MTUS2: variants seen among roughly 807,000 people sequenced by gnomAD.
MTUS2 encodes microtubule-associated tumor suppressor candidate 2.
In MTUS2, 40 loss-of-function variants were observed where a neutral mutation model predicts 114.1. The observed-to-expected ratio is 0.35, with a 90% CI of 0.27 to 0.46. The LOEUF is 0.46. Among genes scored for constraint, MTUS2 ranks in the 20% least tolerant of loss-of-function variants. MTUS2 has a pLI of 1.00. For missense variants in MTUS2, 1,679 were observed against 1,705.4 expected (o/e 0.98, Z 0.27); for synonymous variants, 688 against 672.0 (o/e 1.02, Z -0.37).
intron 6 of MTUS2, among the ~76,000 whole-genome samples, chr13:29,282,395 C>G (rs1898311184): frequency 6.6e-6 from 1 of 152,250 alleles, no homozygotes; most frequent in Non-Finnish European, 1.5e-5. Flanking sequence ...TCCAGCAAAA[C>G]TGATCCCTGT....
chr13:28,855,750 T>C (rs1192267139), intron 2 of MTUS2, among the ~76,000 whole-genome samples: 1 of 152,212 alleles, frequency 6.6e-6, no homozygotes, highest in East Asian at 1.9e-4. Flanking sequence ...TGCATGTATC[T>C]TTGTAATAGA....
At chr13:29,501,822 ACTC>A (rs1882924312) in intron 15 of MTUS2, among the ~76,000 whole-genome samples, 1 of 105,128 alleles carries the variant, frequency 9.5e-6, no homozygotes, top group African/African-American at 3.7e-5. Context: ...ATATGCATAC[ACTC>A]ACATGCACTC....
At chr13:28,891,008 C>G (rs2137912105) in intron 2 of MTUS2, among the ~76,000 whole-genome samples, 1 of 152,316 alleles carries the variant, frequency 6.6e-6, no homozygotes, top group Admixed American at 6.5e-5. Context: ...TGTCATGTTT[C>G]CCAGAGTCTC....
intron 8 of MTUS2, among the ~76,000 whole-genome samples, chr13:29,367,905 C>T (rs1870856017): frequency 6.6e-6 from 1 of 151,236 alleles, no homozygotes; most frequent in Non-Finnish European, 1.5e-5. Context: ...GCCAAGGGAC[C>T]TGTAGCTTTT....
chr13:29,162,854 G>A (rs1456319394), intron 5 of MTUS2, among the ~76,000 whole-genome samples: 2 of 152,172 alleles, frequency 1.3e-5, no homozygotes, highest in Admixed American at 1.3e-4. Flanking sequence ...TCGTATGCCC[G>A]AGACTTGCTG....
At chr13:29,302,085 T>C (rs551529518) in intron 6 of MTUS2, among the ~76,000 whole-genome samples, 2 of 152,276 alleles carry the variant, frequency 1.3e-5, no homozygotes, top group East Asian at 3.9e-4. Flanking sequence ...GATGGCCAGT[T>C]AGAAGCAGCT....
At chr13:29,413,217 G>A (rs1332305238) in intron 8 of MTUS2, among the ~76,000 whole-genome samples, 1 of 152,244 alleles carries the variant, frequency 6.6e-6, no homozygotes, top group African/African-American at 2.4e-5. Flanking sequence ...ATCTTTTAGG[G>A]GAAGGGGAAC....
chr13:28,946,573 C>T (rs532415711), intron 2 of MTUS2, among the ~76,000 whole-genome samples: 1 of 152,318 alleles, frequency 6.6e-6, no homozygotes, highest in East Asian at 1.9e-4. Flanking sequence ...GATCTTCCTT[C>T]AGGCATATCA....
rs116319228 is a variant in MTUS2, at chr13:29,143,637, G to A, written c.2644+42667G>A. Among the ~76,000 whole-genome samples the A allele has an allele frequency of 6.6e-3, 1,012 of 152,292 alleles. 12 individuals carry two copies. Among genetic ancestry groups the A allele is most frequent in the African/African-American group, 0.024 (986 of 41,568 alleles). ...TTTGTGCAGATTTCCTCATAGAATG[G>A]AGTTGATGGGGTGCCTCAGGAATTG... On this transcript the variant is annotated intron_variant, in intron 5 of 15. Coordinates refer to ENST00000612955, the MANE Select transcript of MTUS2 (RefSeq NM_001033602.4).
intron 2 of MTUS2, among the ~76,000 whole-genome samples, chr13:28,925,560 C>T (rs1881279812): frequency 6.6e-6 from 1 of 152,174 alleles, no homozygotes. Context: ...GTGGGGCTCA[C>T]ATTTCTCTGT....
intron 1 of MTUS2, among the ~76,000 whole-genome samples, chr13:28,836,004 A>G (rs1023835933): frequency 1.3e-5 from 2 of 151,298 alleles, no homozygotes; most frequent in Non-Finnish European, 3.0e-5. Context: ...GCATCGTGTT[A>G]ATGGGTTTAT....
chr13:29,462,328 G>C (rs1392828672), intron 9 of MTUS2, among the ~76,000 whole-genome samples: 1 of 152,172 alleles, frequency 6.6e-6, no homozygotes, highest in Admixed American at 6.5e-5. Context: ...AGGACTTGGC[G>C]TTGACCTGAG....
chr13:28,832,648 C>T (rs1593230734), intron 1 of MTUS2, among the ~76,000 whole-genome samples: 1 of 145,050 alleles, frequency 6.9e-6, no homozygotes, highest in Non-Finnish European at 1.5e-5. Context: ...TATAATATGA[C>T]AATATATTAA....
chr13:29,177,192 G>A (rs554526796), intron 5 of MTUS2, among the ~76,000 whole-genome samples: 5 of 151,028 alleles, frequency 3.3e-5, no homozygotes, highest in African/African-American at 1.2e-4. Context: ...AGTGGAGCAG[G>A]CAGTTGCAGA....
intron 2 of MTUS2, among the ~76,000 whole-genome samples, chr13:28,959,200 G>A (rs1325130096): frequency 6.6e-6 from 1 of 152,198 alleles, no homozygotes; most frequent in Non-Finnish European, 1.5e-5. Context: ...AGTAAGACAG[G>A]AAACTTCTCT....
intron 8 of MTUS2, among the ~76,000 whole-genome samples, chr13:29,404,009 G>A (rs1384535337): frequency 1.3e-5 from 2 of 151,480 alleles, no homozygotes; most frequent in Non-Finnish European, 2.9e-5. Flanking sequence ...TATCCTTCCA[G>A]GACACTCCAT....
At chr13:28,899,726 A>G (rs1431731277) in intron 2 of MTUS2, among the ~76,000 whole-genome samples, 2 of 151,446 alleles carry the variant, frequency 1.3e-5, no homozygotes, top group Non-Finnish European at 2.9e-5. Context: ...AGCTGTTTTT[A>G]TATCTGACTT....
At chr13:28,974,455 G>A (rs1883996975) in intron 2 of MTUS2, among the ~76,000 whole-genome samples, 1 of 152,122 alleles carries the variant, frequency 6.6e-6, no homozygotes, top group South Asian at 2.1e-4. Context: ...TAAGTTTTTA[G>A]AAATCATGAA....
At chr13:29,164,392 G>A (rs776100792) in intron 5 of MTUS2, among the ~76,000 whole-genome samples, 1 of 152,172 alleles carries the variant, frequency 6.6e-6, no homozygotes, top group Admixed American at 6.5e-5. Flanking sequence ...TTTTGACAGC[G>A]ATTTTGGCAG....
Sources: gnomAD v4.1 joint callset for allele counts (sites outside exome capture counted in the v4.1 genomes callset) on GRCh38, gnomAD v4.1.1 for gene constraint, MANE v1.5 for transcripts, NCBI Gene and HGNC (gene_info 2026-07-23, HGNC 2026-07-21) for gene names.